The following KCNMA1 variants were observed in gnomAD, a reference collection of about 807,000 sequenced individuals.
KCNMA1 encodes the protein Calcium-activated potassium channel subunit alpha-1.
KCNMA1 carries 29 observed loss-of-function variants against 140.0 expected under a neutral mutation model. The observed-to-expected ratio is 0.21, with a 90% CI of 0.15 to 0.28. KCNMA1 has a LOEUF of 0.28. Ranked by LOEUF, KCNMA1 falls within the 10% of genes least tolerant of loss-of-function variation. KCNMA1 has a pLI of 1.00. For synonymous variants in KCNMA1, 612 were observed against 611.9 expected (o/e 1.00, Z 0.00); for missense variants, 880 against 1,602.2 (o/e 0.55, Z 7.70).
intron 1 of KCNMA1, among the ~76,000 whole-genome samples, chr10:77,582,455 T>G (rs535686525): frequency 1.3e-5 from 2 of 152,366 alleles, no homozygotes; most frequent in South Asian, 4.1e-4. Flanking sequence ...ATTCCCTACC[T>G]AATGCAAGCG....
At chr10:77,166,938 T>C (rs539926756) in intron 5 of KCNMA1, among the ~76,000 whole-genome samples, 1 of 152,348 alleles carries the variant, frequency 6.6e-6, no homozygotes, top group South Asian at 2.1e-4. Flanking sequence ...AAAATATTTA[T>C]CTTTTCTACA....
intron 5 of KCNMA1, among the ~76,000 whole-genome samples, chr10:77,141,798 T>C (rs1228211582): frequency 6.6e-6 from 1 of 152,234 alleles, no homozygotes; most frequent in Non-Finnish European, 1.5e-5. Flanking sequence ...CCTCATAATT[T>C]AATCCCCACC....
intron 23 of KCNMA1, among the ~76,000 whole-genome samples, chr10:76,937,741 C>G (rs2060924781): frequency 6.6e-6 from 1 of 152,170 alleles, no homozygotes; most frequent in Non-Finnish European, 1.5e-5. Flanking sequence ...TGCTATCTCT[C>G]CAAGGACTGC....
At chr10:76,879,576 G>GTTT (rs201535633) in intron 29 of KCNMA1, among the ~76,000 whole-genome samples, 1 of 144,416 alleles carries the variant, frequency 6.9e-6, no homozygotes, top group Non-Finnish European at 1.5e-5. Context: ...GTCAAGCAGA[G>GTTT]TTTTTTTTTT....
chr10:77,176,489 G>C (rs1374451724), intron 5 of KCNMA1, among the ~76,000 whole-genome samples: 1 of 152,142 alleles, frequency 6.6e-6, no homozygotes, highest in East Asian at 1.9e-4. Flanking sequence ...ATGCAAATGA[G>C]GGGTGTGGGA....
At chr10:76,904,737 A>T (rs1023089339) in intron 25 of KCNMA1, 4 of 152,218 alleles carry the variant, frequency 2.6e-5, no homozygotes, top group Admixed American at 2.0e-4. Flanking sequence ...GAAAGGTCCA[A>T]GGCTCAAGGA....
At chr10:76,929,098 A>G (rs2058594798) in intron 23 of KCNMA1, among the ~76,000 whole-genome samples, 1 of 152,218 alleles carries the variant, frequency 6.6e-6, no homozygotes, top group African/African-American at 2.4e-5. Context: ...ATGCAAATAA[A>G]TAAATAAATA....
At chr10:77,511,169 G>A (rs746249264) in intron 1 of KCNMA1, among the ~76,000 whole-genome samples, 1 of 152,230 alleles carries the variant, frequency 6.6e-6, no homozygotes, top group Non-Finnish European at 1.5e-5. Flanking sequence ...CTCAGTTTCT[G>A]ATTCAGCAGC....
At chr10:77,591,802 C>T (rs918836770) in intron 1 of KCNMA1, among the ~76,000 whole-genome samples, 6 of 152,208 alleles carry the variant, frequency 3.9e-5, no homozygotes, top group South Asian at 2.1e-4. Flanking sequence ...CAAGTACTTC[C>T]TCAGCAAACA....
chr10:77,203,822 C>A (rs993556242), intron 3 of KCNMA1, among the ~76,000 whole-genome samples: 2 of 152,058 alleles, frequency 1.3e-5, no homozygotes, highest in Non-Finnish European at 2.9e-5. Context: ...TTAGGCTAGG[C>A]GTGATGGCTC....
intron 5 of KCNMA1, among the ~76,000 whole-genome samples, chr10:77,179,913 A>G (rs1054073099): frequency 1.3e-5 from 2 of 152,200 alleles, no homozygotes; most frequent in African/African-American, 4.8e-5. Context: ...CTATGAGTAC[A>G]CCGTTACATG....
In KCNMA1 at chr10:77,516,204, C is replaced by A. The variant is rs183997424; in HGVS notation, c.379-112181G>T. Among the ~76,000 whole-genome samples the A allele has an allele frequency of 1.7e-3, 252 of 152,016 alleles. 4 individuals are homozygous for A. The highest frequency in any genetic ancestry group is 1.5e-3 in the Non-Finnish European group (100 of 67,992). The stretch of plus-strand genomic sequence containing the variant: ...ACCCACAGCCCACCCCCCTACTCCG[C>A]CCCGCCACAGCCACCCTCCTCCCAT... On this transcript the variant is annotated intron_variant, in intron 1 of 27. Coordinates refer to ENST00000286628, the MANE Select transcript of KCNMA1 (RefSeq NM_001161352.2).
At chr10:77,342,465 G>C (rs2091170035) in intron 2 of KCNMA1, among the ~76,000 whole-genome samples, 2 of 152,146 alleles carry the variant, frequency 1.3e-5, no homozygotes, top group South Asian at 4.1e-4. Context: ...GGATGTGCAT[G>C]CTGCAGTGGC....
intron 29 of KCNMA1, among the ~76,000 whole-genome samples, chr10:76,878,498 T>C (rs2033107273): frequency 6.6e-6 from 1 of 152,174 alleles, no homozygotes; most frequent in East Asian, 1.9e-4. Context: ...TGGCCAAAAA[T>C]CTATGAAAAT....
At chr10:77,565,429 G>T (rs2067913647) in intron 1 of KCNMA1, among the ~76,000 whole-genome samples, 2 of 152,190 alleles carry the variant, frequency 1.3e-5, no homozygotes, top group African/African-American at 4.8e-5. Flanking sequence ...CAGTTAAGAT[G>T]ATGATAAAAA....
chr10:77,432,833 G>A (rs2097180723), intron 1 of KCNMA1, among the ~76,000 whole-genome samples: 3 of 152,098 alleles, frequency 2.0e-5, no homozygotes, highest in African/African-American at 7.2e-5. Context: ...CCTACACCTG[G>A]GCGAGAGAGA....
At chr10:77,073,279 C>A (rs370389921) in intron 13 of KCNMA1, 27 bp from the exon 14 acceptor site, 6 of 1,612,286 alleles carry the variant, frequency 3.7e-6, no homozygotes. Flanking sequence ...AGGTATGAGA[C>A]CTTGCTCTGT....
intron 1 of KCNMA1, among the ~76,000 whole-genome samples, chr10:77,556,557 A>G (rs1164245564): frequency 6.6e-6 from 1 of 150,502 alleles, no homozygotes; most frequent in Non-Finnish European, 1.5e-5. Context: ...AGTGCAGTCT[A>G]TGGAAGTGAT....
intron 2 of KCNMA1, among the ~76,000 whole-genome samples, chr10:77,260,534 A>G (rs1440726456): frequency 6.6e-6 from 1 of 151,794 alleles, no homozygotes; most frequent in Non-Finnish European, 1.5e-5. Flanking sequence ...CATGGTGAAA[A>G]CCCATCTCTA....
Sources: gnomAD v4.1 joint callset for allele counts (sites outside exome capture counted in the v4.1 genomes callset) on GRCh38, gnomAD v4.1.1 for gene constraint, MANE v1.5 for transcripts, NCBI Gene and HGNC (gene_info 2026-07-23, HGNC 2026-07-21) for gene names.